The following LAMB2 variants were observed in gnomAD, a reference collection of about 807,000 sequenced individuals.
LAMB2 encodes the protein laminin subunit beta 2, also known as laminin subunit beta-2.
Under a neutral mutation model 202.7 loss-of-function variants are expected in LAMB2, and 119 were observed. The ratio of observed to expected loss-of-function variants is 0.59; its 90% CI spans 0.51 to 0.68. LAMB2 has a LOEUF of 0.68. Among genes scored for constraint, LAMB2 ranks in the 30% least tolerant of loss-of-function variants. LAMB2 has a pLI of 0.00. For missense variants in LAMB2, 2,124 were observed against 2,410.6 expected (o/e 0.88, Z 2.49); for synonymous variants, 818 against 902.2 (o/e 0.91, Z 1.67).
chr3:49,125,222 A>G, intron 19 of LAMB2, 31 bp downstream of exon 19: 2 of 1,613,570 alleles, frequency 1.2e-6, no homozygotes, highest in Non-Finnish European at 1.7e-6. Context: ...CTGCCCACCA[A>G]CCAACCCACT....
At position 49,125,369 on chromosome 3, in the gene LAMB2, C is replaced by G; in HGVS notation, c.2604G>C (p.Gln868His). 6.2e-7 allele frequency: 1 copy of G among 1,614,088 alleles called. No homozygotes were observed. Among genetic ancestry groups the G allele is most frequent in the Non-Finnish European group, 8.5e-7 (1 of 1,180,046 alleles). Residue 868 changes from glutamine to histidine, a missense_variant, in exon 19 of 32, where the codon CAG becomes CAC. Around this residue, in one of 3 missense-constraint regions of LAMB2, gnomAD observed 1,702 missense variants for 1,896.3 expected, o/e 0.90. Transcript: ENST00000305544. ...ATGGCCGGCAGCTAGGGAATCCCCACTGGCCACGCTGGCAGCGGTCACAGC... is the reference window on the plus strand; with the variant it reads ...ATGGCCGGCAGCTAGGGAATCCCCAGTGGCCACGCTGGCAGCGGTCACAGC... The part of the protein sequence containing the change: ...GLRCDRCQRG[Q>H]WGFPSCRPCV...
chr3:49,128,833 C>T lies in LAMB2; in HGVS notation c.1732-14G>A, dbSNP rs768820889. 2 of 1,610,478 alleles carry T rather than the reference C, an allele frequency of 1.2e-6. No homozygotes were observed. Among genetic ancestry groups the T allele is most frequent in the Admixed American group, 1.7e-5 (1 of 59,906 alleles). On this transcript the variant is annotated splice_polypyrimidine_tract_variant and intron_variant, in intron 13 of 31. Coordinates refer to ENST00000305544, the MANE Select transcript of LAMB2 (RefSeq NM_002292.4). ...CACATCGAGCACCTGGGAGATAATG[C>T]AGCCAGGGATGGAGGCTCAGGTGAG...
At position 49,124,235 on chromosome 3, in the gene LAMB2, C is replaced by T; in HGVS notation, c.3379G>A (p.Glu1127Lys). ...TCTCCCCAGTGGAGCTCTTGGCACT[C>T]AGAACAAGTCCGCCCTCCAAAGCCG... ...RAGFGGRTCS[E>K]CQELHWGDPG... is the part of the protein sequence containing the mutation. The change falls in exon 23 of 32, where the codon GAG becomes AAG. Residue 1127 changes from glutamate to lysine, a missense_variant. Glu to Lys is a moderately conservative substitution (Grantham distance 56). This residue lies in a region of LAMB2 where 1,702 missense variants were observed against 1,896.3 expected (regional missense o/e 0.90). Coordinates refer to ENST00000305544, the MANE Select transcript of LAMB2 (RefSeq NM_002292.4). 6.2e-7 allele frequency: 1 copy of T among 1,613,972 alleles called. No individual in the cohort carries two copies. The highest frequency in any genetic ancestry group is 8.5e-7 in the Non-Finnish European group (1 of 1,179,946).
At position 49,131,755 on chromosome 3, in the gene LAMB2, A is replaced by G. The variant is rs1560077074; in HGVS notation, c.460-32T>C. 4 of 1,610,274 alleles carry G rather than the reference A, an allele frequency of 2.5e-6. No homozygotes were observed. The Admixed American group carries it at 6.7e-5, about 27-fold the overall frequency. On this transcript the variant is annotated intron_variant, in intron 4 of 31. Coordinates refer to ENST00000305544, the MANE Select transcript of LAMB2 (RefSeq NM_002292.4). This position sits in a 1 kb window ranked among gnomAD's most constrained non-coding sequence, Gnocchi z 5.0. ...AGGGGGGCATAGCTGATCAGCAGGC[A>G]CCAGGACCCAAGCCCAACCCAGAGC...
rs755274499 is a variant in LAMB2, at chr3:49,125,267, A to G, written c.2706T>C (p.Gly902=). The G allele has an allele frequency of 9.9e-6, 16 of 1,613,636 alleles. No homozygotes were observed. The East Asian group carries it at 1.8e-4, about 18-fold the overall frequency. The change falls in exon 19 of 32, where the codon GGT becomes GGC. Residue 902 remains glycine (G), a synonymous_variant. Coordinates refer to ENST00000305544, the MANE Select transcript of LAMB2 (RefSeq NM_002292.4). ...TCCAGTCTCACCTTTCACAGTGCTC[A>G]CCCCCTGTGTGATCACGGCAGCCCA... ...ACLGCRDHTG[G]EHCERCIAGF... is the part of the protein sequence containing the mutation.
Position 49,132,345 on chromosome 3 carries a change from G to A in LAMB2, c.310C>T (p.His104Tyr), listed in dbSNP as rs552475229. 338 of 1,614,260 alleles carry A rather than the reference G, an allele frequency of 2.1e-4. 3 individuals carry two copies. In the South Asian group the frequency reaches 3.5e-3, roughly 17 times the overall value. Residue 104 changes from histidine to tyrosine, a missense_variant, in exon 3 of 32, where the codon CAC (histidine) becomes TAC (tyrosine). By Grantham distance (83) the His-to-Tyr change is moderately conservative. Coordinates refer to ENST00000305544, the MANE Select transcript of LAMB2 (RefSeq NM_002292.4). This position sits in a 1 kb window ranked among gnomAD's most constrained non-coding sequence, Gnocchi z 4.6. ...ACTACATTCTGGATGCGATGGCTGT[G>A]TGGGTTGTCTCTAGCAGAGAAGGGG... Reference protein sequence around the residue: ...RRPFSARDNPHSHRIQNVVTS... With the variant: ...RRPFSARDNPYSHRIQNVVTS...
In LAMB2 at chr3:49,129,820, T is replaced by C. The variant is rs1162219524; in HGVS notation, c.1405+19A>G. 3.7e-6 allele frequency: 6 copies of C among 1,613,558 alleles called. No homozygotes were observed. The Admixed American group carries it at 1.0e-4, about 27-fold the overall frequency. On this transcript the variant is annotated intron_variant, in intron 10 of 31. Coordinates refer to ENST00000305544, the MANE Select transcript of LAMB2 (RefSeq NM_002292.4). This position sits in a 1 kb window ranked among gnomAD's most constrained non-coding sequence, Gnocchi z 6.1. ...AGGGGTTAAAGGTCAGCATAGAAGT[T>C]AGGGCAGGAGACACATACGCCGGCA...
chr3:49,124,158 T>C, intron 23 of LAMB2, 32 bp downstream of exon 23: 1 of 1,614,078 alleles, frequency 6.2e-7, no homozygotes, highest in Non-Finnish European at 8.5e-7. Flanking sequence ...TGGGAAGTCC[T>C]CCATCTACCC....
Position 49,131,225 on chromosome 3 carries a change from G to T in LAMB2, c.713-73C>A. ...CCCATGTCCACCCAGGGGCTCAGCT[G>T]CCAAGGTCACCTTGAAAGACCTCCT... On this transcript the variant is annotated intron_variant, in intron 6 of 31. Coordinates refer to ENST00000305544, the MANE Select transcript of LAMB2 (RefSeq NM_002292.4). The surrounding 1 kb of genome is among the most constrained non-coding windows in gnomAD (Gnocchi z 5.0). The T allele has an allele frequency of 3.3e-6, 5 of 1,526,362 alleles. No homozygotes were observed. Among genetic ancestry groups the T allele is most frequent in the Non-Finnish European group, 4.5e-6 (5 of 1,107,048 alleles). 94.6% of individuals were successfully genotyped at this position (1,526,362 alleles called of 1,614,324 possible).
In LAMB2 at chr3:49,129,066, G is replaced by A. The variant is rs1419321435; in HGVS notation, c.1685C>T (p.Pro562Leu). 1 of 1,613,302 alleles carries A rather than the reference G, an allele frequency of 6.2e-7. No homozygotes were observed. The highest frequency in any genetic ancestry group is 8.5e-7 in the Non-Finnish European group (1 of 1,180,040). ...CEQVQPGYFR[P>L]FLDHLIWEAE... ...CTCCCAAATTAGGTGGTCCAGGAAG[G>A]GCCGGAAGTAGCCAGGTTGCACCTG... Residue 562 changes from proline to leucine, a missense_variant, in exon 13 of 32, where the codon CCC (proline) becomes CTC (leucine). Pro to Leu is a moderately conservative substitution (Grantham distance 98, BLOSUM62 -3). Transcript: ENST00000305544. The surrounding 1 kb of genome is among the most constrained non-coding windows in gnomAD (Gnocchi z 6.1).
Position 49,132,416 on chromosome 3 carries a change from T to C in LAMB2, c.250-11A>G. ...GCACTTCTTTTCGTCCTGGGTTGGA[T>C]GGGGATTAGAATCAGTGCCTCAGGC... On this transcript the variant is annotated splice_polypyrimidine_tract_variant and intron_variant, in intron 2 of 31. Coordinates refer to ENST00000305544, the MANE Select transcript of LAMB2 (RefSeq NM_002292.4). This position sits in a 1 kb window ranked among gnomAD's most constrained non-coding sequence, Gnocchi z 4.6. 6.2e-7 allele frequency: 1 copy of C among 1,614,188 alleles called. No homozygotes were observed. Among genetic ancestry groups the C allele is most frequent in the Non-Finnish European group, 8.5e-7 (1 of 1,180,022 alleles).
Position 49,131,259 on chromosome 3 carries a change from C to T in LAMB2, c.713-107G>A, listed in dbSNP as rs1560076748. On this transcript the variant is annotated intron_variant, in intron 6 of 31. Coordinates refer to ENST00000305544, the MANE Select transcript of LAMB2 (RefSeq NM_002292.4). The surrounding 1 kb of genome is among the most constrained non-coding windows in gnomAD (Gnocchi z 5.0). ...ACCTTGAAAGACCTCCTATACACTGCCACCCGAGCTAAACTGGGCTTGGCA... is the reference window on the plus strand; with the variant it reads ...ACCTTGAAAGACCTCCTATACACTGTCACCCGAGCTAAACTGGGCTTGGCA... The T allele has an allele frequency of 4.1e-6, 6 of 1,457,438 alleles. No individual in the cohort carries two copies. The East Asian group carries it at 1.4e-4, about 34-fold the overall frequency. 90.3% of individuals were successfully genotyped at this position (1,457,438 alleles called of 1,614,324 possible). A position where few individuals can be genotyped will look rare whatever the true frequency, so the allele number is the denominator to read the frequency against.
chr3:49,126,204 C>G (rs764104822), intron 16 of LAMB2, 45 bp from the exon 17 acceptor site: 2 of 1,608,064 alleles, frequency 1.2e-6, no homozygotes, highest in Non-Finnish European at 1.7e-6. Context: ...CCTGGGACCA[C>G]GTAGGCATTG....
At position 49,130,519 on chromosome 3, in the gene LAMB2, TG is replaced by T; in HGVS notation, c.1037-101del. 6.8e-7 allele frequency: 1 copy of T among 1,465,472 alleles called. No homozygotes were observed. Among genetic ancestry groups the T allele is most frequent in the Non-Finnish European group, 9.5e-7 (1 of 1,050,266 alleles). The allele number at this position is 1,465,472 out of a possible 1,614,324, so 90.8% of individuals were successfully genotyped here. A position where few individuals can be genotyped will look rare whatever the true frequency, so the allele number is the denominator to read the frequency against. On this transcript the variant is annotated intron_variant, in intron 8 of 31. Transcript: ENST00000305544. The surrounding 1 kb of genome is among the most constrained non-coding windows in gnomAD (Gnocchi z 5.0). Reference sequence around the variant, plus strand: ...GATCCCTATCACAGGCCAGAATTTGTGGGTAGGGGCTCAGGGACTTCAAGGC... The same window carrying T: ...GATCCCTATCACAGGCCAGAATTTGTGGTAGGGGCTCAGGGACTTCAAGGC...
In LAMB2 at chr3:49,129,226, C is replaced by T. The variant is rs1403410165; in HGVS notation, c.1598+19G>A. ...GGATCTTTCCCCATCCCTTCCCAGG[C>T]CCCCTTTACAACACTTACTGGGGAT... On this transcript the variant is annotated intron_variant, in intron 12 of 31. Transcript: ENST00000305544. The surrounding 1 kb of genome is among the most constrained non-coding windows in gnomAD (Gnocchi z 6.1). 4 of 1,614,014 alleles carry T rather than the reference C, an allele frequency of 2.5e-6. No homozygotes were observed. The African/African-American group carries it at 4.0e-5, about 16-fold the overall frequency.
At position 49,122,277 on chromosome 3, in the gene LAMB2, G is replaced by T. The variant is rs774045808; in HGVS notation, c.4667C>A (p.Ala1556Glu). ...CCGGACTCGCTCTGCAATCGCACCC[G>T]CCAGGTGCTGGATCTGCTCAGCTGA... ...PASAEQIQHL[A>E]GAIAERVRSL... The change falls in exon 28 of 32, where the codon GCG becomes GAG. Residue 1556 changes from alanine (A) to glutamate (E), a missense_variant. Transcript: ENST00000305544. 4 of 1,613,462 alleles carry T rather than the reference G, an allele frequency of 2.5e-6. No homozygotes were observed. The highest frequency in any genetic ancestry group is 3.4e-6 in the Non-Finnish European group (4 of 1,180,006).
Position 49,129,338 on chromosome 3 carries a change from G to A in LAMB2, c.1519-14C>T, listed in dbSNP as rs752835889. 2.1e-5 allele frequency: 34 copies of A among 1,609,492 alleles called. No individual in the cohort carries two copies. The highest frequency in any genetic ancestry group is 2.2e-5 in the South Asian group (2 of 90,692). Reference sequence around the variant, plus strand: ...CCAGTGGCCAGGCTGCACGAAAGGAGTTGCTGGGGGCCAGAAACAGACCTC... The same window carrying A: ...CCAGTGGCCAGGCTGCACGAAAGGAATTGCTGGGGGCCAGAAACAGACCTC... On this transcript the variant is annotated splice_polypyrimidine_tract_variant and intron_variant, in intron 11 of 31. Transcript: ENST00000305544. The surrounding 1 kb of genome is among the most constrained non-coding windows in gnomAD (Gnocchi z 6.1).
At position 49,131,981 on chromosome 3, in the gene LAMB2, A is replaced by AT; in HGVS notation, c.459+134dup. On this transcript the variant is annotated intron_variant, in intron 4 of 31. Coordinates refer to ENST00000305544, the MANE Select transcript of LAMB2 (RefSeq NM_002292.4). The surrounding 1 kb of genome is among the most constrained non-coding windows in gnomAD (Gnocchi z 5.0). ...AGCATGTGCAAAGGCCTGGAGGCAA[A>AT]TGGAAGGTGTGAAGGGATGAAGGAG... The AT allele has an allele frequency of 1.1e-6, 1 of 951,578 alleles. No individual in the cohort carries two copies. 58.9% of individuals were successfully genotyped at this position (951,578 alleles called of 1,614,324 possible). A position where few individuals can be genotyped will look rare whatever the true frequency, so the allele number is the denominator to read the frequency against.
At position 49,131,272 on chromosome 3, in the gene LAMB2, A is replaced by G. The variant is rs2045478573; in HGVS notation, c.712+107T>C. The G allele has an allele frequency of 6.8e-7, 1 of 1,479,368 alleles. No homozygotes were observed. The highest frequency in any genetic ancestry group is 9.4e-7 in the Non-Finnish European group (1 of 1,068,796). The allele number at this position is 1,479,368 out of a possible 1,614,324, so 91.6% of individuals were successfully genotyped here. A position where few individuals can be genotyped will look rare whatever the true frequency, so the allele number is the denominator to read the frequency against. On this transcript the variant is annotated intron_variant, in intron 6 of 31. Transcript: ENST00000305544. This position sits in a 1 kb window ranked among gnomAD's most constrained non-coding sequence, Gnocchi z 5.0. The stretch of plus-strand genomic sequence containing the variant: ...TCCTATACACTGCCACCCGAGCTAA[A>G]CTGGGCTTGGCACCTGCCCTAGGAA...
Sources: gnomAD v4.1 joint callset for allele counts on GRCh38, gnomAD v4.1.1 for gene constraint, gnomAD v4.1.1 regional missense constraint, Gnocchi (gnomAD v3.1) non-coding constraint, MANE v1.5 for transcripts, NCBI Gene and HGNC (gene_info 2026-07-23, HGNC 2026-07-21) for gene names.